The following NCAPH variants were observed in gnomAD, a reference collection of about 807,000 sequenced individuals.
NCAPH encodes condensin complex subunit 2.
Under a neutral mutation model 85.5 loss-of-function variants are expected in NCAPH, and 38 were observed. That is an observed-to-expected ratio of 0.44 (90% CI 0.34 to 0.58). The LOEUF is 0.58. Ranked by LOEUF, NCAPH falls within the 20% of genes least tolerant of loss-of-function variation. The probability of loss-of-function intolerance (pLI) is 0.01; values close to 1 mark genes in which losing one functional copy is unlikely to be tolerated. For synonymous variants in NCAPH, 301 were observed against 335.1 expected, an observed-to-expected ratio of 0.90 and a Z score of 1.11; for missense variants, 789 against 916.6, an observed-to-expected ratio of 0.86 and a Z score of 1.80.
chr2:96,337,048 A>G (rs1235083658), intron 1 of NCAPH, among the ~76,000 whole-genome samples: 1 of 152,258 alleles, frequency 6.6e-6, no homozygotes, highest in Non-Finnish European at 1.5e-5. Context: ...TGAAGTTGGA[A>G]TAGGAACCAG....
chr2:96,372,936 A>G (rs975003079), intron 17 of NCAPH, among the ~76,000 whole-genome samples: 2 of 152,108 alleles, frequency 1.3e-5, no homozygotes, highest in African/African-American at 4.8e-5. Flanking sequence ...CCCCTCGAGG[A>G]TAAGGGGGGA....
chr2:96,350,074 C>T (rs772609980), intron 6 of NCAPH, among the ~76,000 whole-genome samples: 1 of 152,184 alleles, frequency 6.6e-6, no homozygotes, highest in East Asian at 1.9e-4. Flanking sequence ...GTTTGGCTAG[C>T]GCCAAGGATT....
chr2:96,361,771 TATATATATATACAC>T (rs2064617114), intron 12 of NCAPH, among the ~76,000 whole-genome samples: 1 of 134,824 alleles, frequency 7.4e-6, no homozygotes, highest in Admixed American at 7.6e-5. Context: ...TATATATACA[TATATATATATACAC>T]ATATATATGT....
Position 96,360,659 on chromosome 2 carries a change from C to G in NCAPH, c.1536C>G (p.Phe512Leu). ...GAGCTACCACCCTTCCTACAGATTTCAACTACAATGTTGACACTCTGGTCC... is the reference window on the plus strand; with the variant it reads ...GAGCTACCACCCTTCCTACAGATTTGAACTACAATGTTGACACTCTGGTCC... Reference protein sequence around the residue: ...NWRATTLPTDFNYNVDTLVQL... With the variant: ...NWRATTLPTDLNYNVDTLVQL... Residue 512 changes from phenylalanine (F) to leucine (L), a missense_variant, in exon 12 of 18, where the codon TTC becomes TTG. Transcript: ENST00000240423. The G allele has an allele frequency of 6.2e-7, 1 of 1,614,204 alleles. No individual in the cohort carries two copies. Among genetic ancestry groups the G allele is most frequent in the Admixed American group, 1.7e-5 (1 of 60,030 alleles).
At chr2:96,348,674 G>T (rs1329168699) in intron 6 of NCAPH, among the ~76,000 whole-genome samples, 4 of 148,012 alleles carry the variant, frequency 2.7e-5, no homozygotes, top group African/African-American at 7.5e-5. Context: ...ATTTTTTTTT[G>T]AGACAGGGTC....
In NCAPH at chr2:96,344,324, T is replaced by G. The variant is rs539469039; in HGVS notation, c.720+95T>G. The G allele has an allele frequency of 3.0e-4, 426 of 1,417,242 alleles. 5 individuals carry two copies. In the African/African-American group the frequency reaches 5.5e-3, roughly 18 times the overall value. The allele number at this position is 1,417,242 out of a possible 1,614,324, so 87.8% of individuals were successfully genotyped here. A position where few individuals can be genotyped will look rare whatever the true frequency, so the allele number is the denominator to read the frequency against. ...TAAGGCTGCCTTGCTGGTATGTGCC[T>G]GTTTAAGCCTCAAGGGAGTAAAATA... On this transcript the variant is annotated intron_variant, in intron 6 of 17. Transcript: ENST00000240423.
At chr2:96,370,424 G>A (rs546647970) in intron 17 of NCAPH, among the ~76,000 whole-genome samples, 1 of 152,344 alleles carries the variant, frequency 6.6e-6, no homozygotes, top group African/African-American at 2.4e-5. Context: ...TGGGGTGCTG[G>A]TGGAAGCATC....
chr2:96,352,051 A>G (rs1276999703), intron 7 of NCAPH, 31 bp downstream of exon 7: 1 of 1,558,354 alleles, frequency 6.4e-7, no homozygotes, highest in Non-Finnish European at 8.7e-7. Flanking sequence ...TCACCAGAGC[A>G]TTTCAGTCAT....
Position 96,344,190 on chromosome 2 carries a change from A to G in NCAPH, c.681A>G (p.Ile227Met). ...TACACAGAACTATTGAGCAGAACAT[A>G]AACAACCTCAATGTCTCCGAAGCAG... ...KHLHRTIEQN[I>M]NNLNVSEADR... Residue 227 changes from isoleucine to methionine, a missense_variant, in exon 6 of 18, where the codon ATA becomes ATG. Coordinates refer to ENST00000240423, the MANE Select transcript of NCAPH (RefSeq NM_015341.5). 6.2e-7 allele frequency: 1 copy of G among 1,613,392 alleles called. No homozygotes were observed. Among genetic ancestry groups the G allele is most frequent in the Non-Finnish European group, 8.5e-7 (1 of 1,179,822 alleles).
At position 96,374,489 on chromosome 2, in the gene NCAPH, C is replaced by T. The variant is rs745347311; in HGVS notation, c.*1138C>T. 6.6e-6 allele frequency among the ~76,000 whole-genome samples: 1 copy of T among 152,198 alleles called. No individual in the cohort carries two copies. Among genetic ancestry groups the T allele is most frequent in the Non-Finnish European group, 1.5e-5 (1 of 68,042 alleles). ...TGGTCCTGGATCTCTGCCAGAACAC[C>T]CGTCATCATTGACTGGCTAAATAGA... On this transcript the variant is annotated 3_prime_UTR_variant, in exon 18 of 18. Coordinates refer to ENST00000240423, the MANE Select transcript of NCAPH (RefSeq NM_015341.5).
chr2:96,350,171 A>C (rs145248351), intron 6 of NCAPH, among the ~76,000 whole-genome samples: 5 of 152,288 alleles, frequency 3.3e-5, no homozygotes, highest in Admixed American at 6.5e-5. Flanking sequence ...CTTACTGTGG[A>C]CCCTTGTTTC....
intron 6 of NCAPH, among the ~76,000 whole-genome samples, chr2:96,348,520 T>A (rs1463108282): frequency 6.6e-6 from 1 of 151,938 alleles, no homozygotes; most frequent in Non-Finnish European, 1.5e-5. Flanking sequence ...CATGGTGATA[T>A]GCTACACACA....
chr2:96,354,326 C>T lies in NCAPH; in HGVS notation c.1146C>T (p.Thr382=), dbSNP rs376558398. ...ATGCCAACGATGAACCTGACCACACCGCAGTTGGGGATCATGAAGAGTTCA... is the reference window on the plus strand; with the variant it reads ...ATGCCAACGATGAACCTGACCACACTGCAGTTGGGGATCATGAAGAGTTCA... ...DFDANDEPDH[T]AVGDHEEFRS... is the part of the protein sequence containing the mutation. Residue 382 remains threonine, a synonymous_variant, in exon 9 of 18, where the codon ACC becomes ACT. Coordinates refer to ENST00000240423, the MANE Select transcript of NCAPH (RefSeq NM_015341.5). 35 of 1,613,688 alleles carry T rather than the reference C, an allele frequency of 2.2e-5. 1 individual carries two copies. The highest frequency in any genetic ancestry group is 1.6e-4 in the South Asian group (15 of 91,026).
At chr2:96,352,107 G>A in intron 7 of NCAPH, 87 bp downstream of exon 7, 1 of 1,308,346 alleles carries the variant, frequency 7.6e-7, no homozygotes, top group Non-Finnish European at 1.1e-6. Flanking sequence ...AGCCCATCAT[G>A]CTCTTATGTT....
chr2:96,361,480 C>T (rs186440444), intron 12 of NCAPH, among the ~76,000 whole-genome samples: 4 of 152,074 alleles, frequency 2.6e-5, no homozygotes, highest in African/African-American at 7.2e-5. Flanking sequence ...CAGGAAGTCT[C>T]CTAGGGCTCT....
In NCAPH at chr2:96,376,149, A is replaced by G; in HGVS notation, c.*2798A>G. Among the ~76,000 whole-genome samples, 1 of 152,246 alleles carries G rather than the reference A, an allele frequency of 6.6e-6. No homozygotes were observed. The highest frequency in any genetic ancestry group is 1.9e-4 in the East Asian group (1 of 5,196). ...TGAGGTAGCCAGCAGTATCTGCCTC[A>G]GATGCTGAGAAGCCTCCTGAGATAA... On this transcript the variant is annotated 3_prime_UTR_variant, in exon 18 of 18. Transcript: ENST00000240423.
At chr2:96,361,767 T>C (rs58993857) in intron 12 of NCAPH, among the ~76,000 whole-genome samples, 5,571 of 122,664 alleles carry the variant, frequency 0.045, 167 homozygotes, top group African/African-American at 0.087. Context: ...TATATATATA[T>C]ACATATATAT....
At chr2:96,372,739 T>A (rs1437116596) in intron 17 of NCAPH, among the ~76,000 whole-genome samples, 1 of 152,136 alleles carries the variant, frequency 6.6e-6, no homozygotes, top group East Asian at 1.9e-4. Flanking sequence ...TTGACTTAAT[T>A]TTTCTATTTT....
chr2:96,347,485 C>G (rs2064377411), intron 6 of NCAPH, among the ~76,000 whole-genome samples: 1 of 152,146 alleles, frequency 6.6e-6, no homozygotes, highest in African/African-American at 2.4e-5. Context: ...GAAATGAGAA[C>G]ACCATTGAGA....
Sources: gnomAD v4.1 joint callset for allele counts (sites outside exome capture counted in the v4.1 genomes callset) on GRCh38, gnomAD v4.1.1 for gene constraint, MANE v1.5 for transcripts, NCBI Gene and HGNC (gene_info 2026-07-23, HGNC 2026-07-21) for gene names.